Variants in NRXN3 observed in about 807,000 individuals in gnomAD.
NRXN3 encodes neurexin III.
Under a neutral mutation model 137.6 loss-of-function variants are expected in NRXN3, and 32 were observed. The observed-to-expected ratio is 0.23, with a 90% confidence interval of 0.18 to 0.31. NRXN3 has a LOEUF of 0.31. Ranked by LOEUF, NRXN3 falls within the 10% of genes least tolerant of loss-of-function variation. The pLI is 1.00. For synonymous variants in NRXN3, 798 were observed against 784.5 expected, an observed-to-expected ratio of 1.02 and a Z score of -0.29; for missense variants, 1,574 against 2,062.5, an observed-to-expected ratio of 0.76 and a Z score of 4.59.
At chr14:79,554,474 G>T (rs1283046239) in intron 16 of NRXN3, among the ~76,000 whole-genome samples, 1 of 152,170 alleles carries the variant, frequency 6.6e-6, no homozygotes, top group Non-Finnish European at 1.5e-5. Flanking sequence ...TGAGACTGAA[G>T]ATAAGTAGAA....
chr14:79,031,933 G>C (rs901304261), intron 15 of NRXN3, among the ~76,000 whole-genome samples: 1 of 152,092 alleles, frequency 6.6e-6, no homozygotes, highest in Non-Finnish European at 1.5e-5. Flanking sequence ...GAAGAAGTCT[G>C]TTAGGTTTTC....
chr14:79,803,933 GTA>G (rs150295285), intron 19 of NRXN3, among the ~76,000 whole-genome samples: 18 of 141,262 alleles, frequency 1.3e-4, no homozygotes, highest in African/African-American at 3.7e-4. Context: ...ATATGTGTGT[GTA>G]TATATATATG....
chr14:78,703,087 A>G (rs1428243118), intron 6 of NRXN3, among the ~76,000 whole-genome samples: 4 of 152,242 alleles, frequency 2.6e-5, no homozygotes, highest in African/African-American at 7.2e-5. Flanking sequence ...CTTCAATCTA[A>G]CATCTAATTT....
intron 1 of NRXN3, among the ~76,000 whole-genome samples, chr14:78,228,379 C>T (rs573012053): frequency 6.6e-6 from 1 of 152,226 alleles, no homozygotes; most frequent in Non-Finnish European, 1.5e-5. Flanking sequence ...GGATCTCGAA[C>T]TCCTGACCTC....
At chr14:79,455,217 A>C (rs1326314335) in intron 15 of NRXN3, among the ~76,000 whole-genome samples, 2 of 152,198 alleles carry the variant, frequency 1.3e-5, no homozygotes, top group Admixed American at 6.5e-5. Context: ...CTTCATAGGC[A>C]ACATCTTCTT....
At chr14:79,682,440 A>G (rs954779127) in intron 17 of NRXN3, among the ~76,000 whole-genome samples, 5 of 152,180 alleles carry the variant, frequency 3.3e-5, no homozygotes, top group Non-Finnish European at 7.4e-5. Flanking sequence ...CTCTGGGAAA[A>G]TTTTGATTCT....
chr14:78,295,703 G>T (rs758863155), intron 3 of NRXN3, among the ~76,000 whole-genome samples: 1 of 152,074 alleles, frequency 6.6e-6, no homozygotes, highest in Non-Finnish European at 1.5e-5. Flanking sequence ...GTCTTGGTTC[G>T]TGAAGCCCAG....
At chr14:79,656,548 C>T (rs2098506663) in intron 16 of NRXN3, among the ~76,000 whole-genome samples, 1 of 151,814 alleles carries the variant, frequency 6.6e-6, no homozygotes. Flanking sequence ...TCTTGTCCTT[C>T]CTTGCTTCTC....
At chr14:78,646,766 A>G (rs939809740) in intron 5 of NRXN3, among the ~76,000 whole-genome samples, 28 of 152,148 alleles carry the variant, frequency 1.8e-4, no homozygotes, top group African/African-American at 5.8e-4. Flanking sequence ...TCATTGTTCT[A>G]TGTTTTTCCT....
At chr14:79,814,770 T>A (rs559497824) in intron 20 of NRXN3, among the ~76,000 whole-genome samples, 6 of 152,344 alleles carry the variant, frequency 3.9e-5, no homozygotes, top group African/African-American at 1.4e-4. Context: ...ATTTCTGCTG[T>A]GTAGAACAGT....
At chr14:78,373,373 C>G (rs2087215813) in intron 4 of NRXN3, among the ~76,000 whole-genome samples, 3 of 152,182 alleles carry the variant, frequency 2.0e-5, no homozygotes. Context: ...CAAGGAAACT[C>G]TTCTTTCTGG....
Position 78,243,547 on chromosome 14 carries a change from G to A in NRXN3, c.454G>A (p.Val152Ile), listed in dbSNP as rs550781180. 6.3e-7 allele frequency: 1 copy of A among 1,597,970 alleles called. No individual in the cohort carries two copies. Among genetic ancestry groups the A allele is most frequent in the Non-Finnish European group, 8.5e-7 (1 of 1,179,578 alleles). ...GGTCAGTGACTTGTTCCTTGGTGGA[G>A]TCCCTACTGACATACGACCTTCTGC... The part of the protein sequence containing the change: ...DVVSDLFLGG[V>I]PTDIRPSALT... The change falls in exon 2 of 21, where the codon GTC (valine) becomes ATC (isoleucine). Residue 152 changes from valine to isoleucine, a missense_variant. Val to Ile is a conservative substitution (Grantham distance 29). Transcript: ENST00000335750. This position sits in a 1 kb window ranked among gnomAD's most constrained non-coding sequence, Gnocchi z 4.2.
Position 78,504,448 on chromosome 14 carries a change from AAG to A in NRXN3, c.758-140668_758-140667del, listed in dbSNP as rs546739661. Among the ~76,000 whole-genome samples, 224 of 152,306 alleles carry A rather than the reference AAG, an allele frequency of 1.5e-3. 2 individuals are homozygous for A. Among genetic ancestry groups the A allele is most frequent in the African/African-American group, 5.3e-3 (220 of 41,574 alleles). ...ACTTACTACTTAGGGCATGGGAAGA[AAG>A]AGAATTTTCTTTGTTAAGTCTTTAA... On this transcript the variant is annotated intron_variant, in intron 4 of 20. Coordinates refer to ENST00000335750, the MANE Select transcript of NRXN3 (RefSeq NM_001330195.2).
chr14:78,690,860 C>T (rs2098164670), intron 6 of NRXN3, among the ~76,000 whole-genome samples: 1 of 152,122 alleles, frequency 6.6e-6, no homozygotes. Context: ...TTCCAGCAGA[C>T]AATTCAGATT....
intron 4 of NRXN3, among the ~76,000 whole-genome samples, chr14:78,313,452 T>C (rs1416796033): frequency 6.6e-6 from 1 of 152,080 alleles, no homozygotes; most frequent in Non-Finnish European, 1.5e-5. Context: ...CCAGTTTCCC[T>C]ACTTTTACCT....
chr14:78,351,782 C>T (rs200339685), intron 4 of NRXN3, among the ~76,000 whole-genome samples: 72 of 127,788 alleles, frequency 5.6e-4, no homozygotes, highest in South Asian at 1.5e-3. Flanking sequence ...TGGTATTTTT[C>T]TTTTTTTTTT....
chr14:78,633,095 T>G (rs962510791), intron 4 of NRXN3, among the ~76,000 whole-genome samples: 13 of 147,618 alleles, frequency 8.8e-5, no homozygotes, highest in Non-Finnish European at 1.8e-4. Flanking sequence ...AATAAAAAAT[T>G]AAAAAAAAAA....
At chr14:78,575,521 T>C (rs887333104) in intron 4 of NRXN3, among the ~76,000 whole-genome samples, 6 of 152,208 alleles carry the variant, frequency 3.9e-5, no homozygotes, top group African/African-American at 1.2e-4. Flanking sequence ...AGCCCATTCA[T>C]GAAAGTGGTT....
rs772312484 is a variant in NRXN3, at chr14:78,957,289, G to A, written c.2323G>A (p.Glu775Lys). ...LYAGQKLNDN[E>K]WHTVRVVRRG... ...TGCAGGGCAGAAGCTCAATGACAAC[G>A]AGTGGCACACCGTTCGGGTGGTGCG... Residue 775 changes from glutamate (E) to lysine (K), a missense_variant, in exon 11 of 21, where the codon GAG becomes AAG. By Grantham distance (56) the Glu-to-Lys change is moderately conservative. This residue lies in a region of NRXN3 where 718 missense variants were observed against 887.6 expected (regional missense o/e 0.81). Transcript: ENST00000335750. 3.1e-6 allele frequency: 5 copies of A among 1,614,112 alleles called. No individual in the cohort carries two copies. Among genetic ancestry groups the A allele is most frequent in the South Asian group, 2.2e-5 (2 of 91,064 alleles).
Sources: gnomAD v4.1 joint callset for allele counts (sites outside exome capture counted in the v4.1 genomes callset) on GRCh38, gnomAD v4.1.1 for gene constraint, gnomAD v4.1.1 regional missense constraint, Gnocchi (gnomAD v3.1) non-coding constraint, MANE v1.5 for transcripts, NCBI Gene and HGNC (gene_info 2026-07-23, HGNC 2026-07-21) for gene names.